FAM227B: variants seen among roughly 807,000 people sequenced by gnomAD.
The protein encoded by FAM227B is family with sequence similarity 227 member B.
Under a neutral mutation model 73.8 loss-of-function variants are expected in FAM227B, and 88 were observed. The ratio of observed to expected loss-of-function variants is 1.19; its 90% confidence interval spans 1.00 to 1.42. FAM227B has a LOEUF of 1.42. FAM227B is among the 40% of genes most tolerant of loss of function. The probability of loss-of-function intolerance (pLI) is 0.00; values close to 1 mark genes in which losing one functional copy is unlikely to be tolerated. For synonymous variants in FAM227B, 210 were observed against 190.5 expected, an observed-to-expected ratio of 1.10 and a Z score of -0.84; for missense variants, 632 against 590.9, an observed-to-expected ratio of 1.07 and a Z score of -0.72.
intron 10 of FAM227B, among the ~76,000 whole-genome samples, chr15:49,536,082 AAAAAAAAAG>A (rs1396121808): frequency 5.3e-5 from 8 of 150,686 alleles, no homozygotes; most frequent in African/African-American, 1.9e-4. Context: ...CAAAAAAAAA[AAAAAAAAAG>A]AAAAAAGAAA....
chr15:49,450,049 A>G (rs1181614408), intron 11 of FAM227B, among the ~76,000 whole-genome samples: 1 of 152,180 alleles, frequency 6.6e-6, no homozygotes, highest in Admixed American at 6.6e-5. Flanking sequence ...TCAGCAATGC[A>G]TGTGCCAAAG....
chr15:49,584,683 T>C (rs1268798434), intron 5 of FAM227B, among the ~76,000 whole-genome samples: 1 of 152,068 alleles, frequency 6.6e-6, no homozygotes, highest in African/African-American at 2.4e-5. Flanking sequence ...AATTAATGTA[T>C]AAAAATCATT....
chr15:49,615,153 A>C lies in FAM227B; in HGVS notation c.19T>G (p.Cys7Gly). The C allele has an allele frequency of 6.2e-7, 1 of 1,614,030 alleles. No homozygotes were observed. Among genetic ancestry groups the C allele is most frequent in the Non-Finnish European group, 8.5e-7 (1 of 1,179,936 alleles). ...CCAGCTCTGCTGCTCCTCCTTTGAC[A>C]TGTTCGTTGGCCTGCCATGGTACAG... is the stretch of plus-strand genomic sequence containing the variant. MAGQRT[C>G]QRRSSRAGPG... The change falls in exon 2 of 16, where the codon TGT becomes GGT. Residue 7 changes from cysteine to glycine, a missense_variant. By Grantham distance (159) the Cys-to-Gly change is radical (BLOSUM62 -3). Coordinates refer to ENST00000299338, the MANE Select transcript of FAM227B (RefSeq NM_152647.3).
intron 9 of FAM227B, among the ~76,000 whole-genome samples, chr15:49,565,274 C>T (rs955725890): frequency 2.0e-5 from 3 of 150,296 alleles, no homozygotes; most frequent in African/African-American, 7.4e-5. Context: ...CCCAGCTACT[C>T]AGGAGGCTGA....
intron 10 of FAM227B, among the ~76,000 whole-genome samples, chr15:49,510,670 G>A (rs1461010777): frequency 6.6e-6 from 1 of 152,066 alleles, no homozygotes; most frequent in Non-Finnish European, 1.5e-5. Flanking sequence ...CATGTCTCAT[G>A]TGTTAAAGCC....
intron 9 of FAM227B, among the ~76,000 whole-genome samples, chr15:49,554,966 G>A (rs2089470): frequency 0.33 from 49,787 of 151,904 alleles, 8,929 homozygotes; most frequent in African/African-American, 0.46. Flanking sequence ...CTTTGAGCCT[G>A]GGGGTATCAC....
intron 5 of FAM227B, among the ~76,000 whole-genome samples, chr15:49,582,907 T>C (rs2075904448): frequency 6.6e-6 from 1 of 151,574 alleles, no homozygotes; most frequent in African/African-American, 2.4e-5. Context: ...AAGGCAGAAA[T>C]CAGGAAGTCC....
At chr15:49,421,117 G>T (rs2049592454) in intron 11 of FAM227B, among the ~76,000 whole-genome samples, 1 of 152,146 alleles carries the variant, frequency 6.6e-6, no homozygotes, top group South Asian at 2.1e-4. Flanking sequence ...ATCACTATAG[G>T]TCTATTAAAA....
At chr15:49,404,344 A>G (rs974082324) in intron 11 of FAM227B, among the ~76,000 whole-genome samples, 1 of 152,172 alleles carries the variant, frequency 6.6e-6, no homozygotes, top group African/African-American at 2.4e-5. Flanking sequence ...GATCTGTATT[A>G]ATACTGTCAG....
chr15:49,532,570 T>C (rs1002320199), intron 10 of FAM227B, among the ~76,000 whole-genome samples: 2 of 151,604 alleles, frequency 1.3e-5, no homozygotes, highest in Admixed American at 6.6e-5. Flanking sequence ...AAAACGGGAA[T>C]GAAAATTGCT....
chr15:49,576,836 A>G lies in FAM227B; in HGVS notation c.451T>C (p.Phe151Leu). The G allele has an allele frequency of 6.2e-7, 1 of 1,608,054 alleles. No individual in the cohort carries two copies. Among genetic ancestry groups the G allele is most frequent in the Non-Finnish European group, 8.5e-7 (1 of 1,175,336 alleles). ...ETEKNIEGCS[F>L]TGFKANELTQ... Reference sequence around the variant, plus strand: ...AGTTCATTTGCTTTGAATCCTGTGAAGCTGCAACCCTAGAAAGAGGAAAAT... The same window carrying G: ...AGTTCATTTGCTTTGAATCCTGTGAGGCTGCAACCCTAGAAAGAGGAAAAT... Residue 151 changes from phenylalanine (F) to leucine (L), a missense_variant, in exon 7 of 16, where the codon TTC becomes CTC. Coordinates refer to ENST00000299338, the MANE Select transcript of FAM227B (RefSeq NM_152647.3).
intron 11 of FAM227B, among the ~76,000 whole-genome samples, chr15:49,422,145 A>AGAGAGAGAGAGT (rs757128514): frequency 9.3e-5 from 13 of 139,822 alleles, no homozygotes; most frequent in African/African-American, 2.8e-4. Context: ...AGAGAGAGAG[A>AGAGAGAGAGAGT]GTGTGTGTGT....
In FAM227B at chr15:49,381,186, G is replaced by A. The variant is rs547532252; in HGVS notation, c.1013-9787C>T. Among the ~76,000 whole-genome samples the A allele has an allele frequency of 8.5e-5, 13 of 152,186 alleles. No individual in the cohort carries two copies. The South Asian group carries it at 1.0e-3, about 12-fold the overall frequency. ...AGCCATTCATGAAGGATCTGCCCCC[G>A]CCTCCTGGTCCAAGTATCTCCCTCT... is the stretch of plus-strand genomic sequence containing the variant. On this transcript the variant is annotated intron_variant, in intron 11 of 15. Transcript: ENST00000299338.
At chr15:49,354,445 G>T (rs2151328742) in intron 13 of FAM227B, among the ~76,000 whole-genome samples, 1 of 152,338 alleles carries the variant, frequency 6.6e-6, no homozygotes, top group East Asian at 1.9e-4. Context: ...AAGCGCAAGG[G>T]GTCAGGGAGT....
chr15:49,489,816 TATA>T (rs2056768572), intron 11 of FAM227B, among the ~76,000 whole-genome samples: 1 of 47,314 alleles, frequency 2.1e-5, no homozygotes, highest in Non-Finnish European at 4.1e-5. Context: ...TATATATATA[TATA>T]TTTTATATAT....
At chr15:49,419,733 C>G (rs1207795538) in intron 11 of FAM227B, among the ~76,000 whole-genome samples, 3 of 152,136 alleles carry the variant, frequency 2.0e-5, no homozygotes, top group Non-Finnish European at 2.9e-5. Context: ...GGGACCAAAC[C>G]TGTGTTTCAC....
Position 49,541,803 on chromosome 15 carries a change from A to G in FAM227B, c.751T>C (p.Tyr251His), listed in dbSNP as rs1241622121. The G allele has an allele frequency of 2.1e-6, 3 of 1,417,982 alleles. No homozygotes were observed. Among genetic ancestry groups the G allele is most frequent in the Non-Finnish European group, 2.8e-6 (3 of 1,082,854 alleles). 87.8% of individuals were successfully genotyped at this position (1,417,982 alleles called of 1,614,324 possible). A position where few individuals can be genotyped will look rare whatever the true frequency, so the allele number is the denominator to read the frequency against. The change falls in exon 10 of 16, where the codon TAT (tyrosine) becomes CAT (histidine). Residue 251 changes from tyrosine to histidine, a missense_variant. Transcript: ENST00000299338. ...LSRKDAFFQI[Y>H]PDCLAQAIYA... is the part of the protein sequence containing the mutation. ...ATGGCTTGTGCCAAACAATCAGGAT[A>G]TATCTACCAAAATAAAATCAAATTA...
intron 11 of FAM227B, among the ~76,000 whole-genome samples, chr15:49,403,710 C>A (rs1362230594): frequency 6.6e-6 from 1 of 151,792 alleles, no homozygotes; most frequent in Non-Finnish European, 1.5e-5. Context: ...CAAAAAAAAA[C>A]TGCTAGATTC....
chr15:49,441,427 T>C (rs981753026), intron 11 of FAM227B, among the ~76,000 whole-genome samples: 1 of 151,648 alleles, frequency 6.6e-6, no homozygotes, highest in African/African-American at 2.4e-5. Flanking sequence ...AAAATAAAAA[T>C]AAAATTAGAG....
Sources: gnomAD v4.1 joint callset for allele counts (sites outside exome capture counted in the v4.1 genomes callset) on GRCh38, gnomAD v4.1.1 for gene constraint, MANE v1.5 for transcripts, NCBI Gene and HGNC (gene_info 2026-07-23, HGNC 2026-07-21) for gene names.